The following PSRC1 variants were observed in gnomAD, a reference collection of about 807,000 sequenced individuals.
PSRC1 encodes proline and serine rich coiled-coil 1.
A neutral mutation model predicts 31.9 loss-of-function variants in PSRC1; 30 were observed. The observed-to-expected ratio is 0.94, with a 90% CI of 0.70 to 1.28. PSRC1 has a LOEUF of 1.28. Among genes scored for constraint, PSRC1 ranks in the 50% most tolerant of loss-of-function variants. PSRC1 has a pLI of 0.00. For missense variants in PSRC1, 481 were observed against 472.8 expected (o/e 1.02, Z -0.16); for synonymous variants, 191 against 192.1 (o/e 0.99, Z 0.05).
chr1:109,279,851 G>A (rs1656753363), exon 7 of PSRC1: 1 of 466,654 alleles, frequency 2.1e-6, no homozygotes, highest in Admixed American at 3.4e-5. Flanking sequence ...CAACAGTGGG[G>A]GTGGATAAAG....
chr1:109,281,751 G>A, exon 4 of PSRC1: 2 of 1,614,124 alleles, frequency 1.2e-6, no homozygotes, highest in South Asian at 1.1e-5. Flanking sequence ...AGTTCACAGT[G>A]GGCAGCAGGT....
At chr1:109,279,768 C>T (rs941551302) in exon 7 of PSRC1, 9 of 237,512 alleles carry the variant, frequency 3.8e-5, no homozygotes, top group South Asian at 9.4e-5. Context: ...AGGTTAGCTA[C>T]GGAGGCCGCT....
chr1:109,281,893 T>G, exon 4 of PSRC1: 1 of 1,611,586 alleles, frequency 6.2e-7, no homozygotes, highest in South Asian at 1.1e-5. Context: ...GGCCAGCCGG[T>G]TGGCCTCATC....
chr1:109,280,886 C>A (rs760988332), exon 5 of PSRC1: 6 of 1,613,968 alleles, frequency 3.7e-6, no homozygotes, highest in Non-Finnish European at 4.2e-6. Flanking sequence ...GTGGCACACT[C>A]CGGCTGGTGA....
At chr1:109,280,647 C>G (rs1302863650) in intron 5 of PSRC1, 130 bp downstream of exon 6, 2 of 967,978 alleles carry the variant, frequency 2.1e-6, no homozygotes, top group African/African-American at 3.3e-5. Context: ...CCCATATCCT[C>G]TCTGTAACTC....
intron 1 of PSRC1, 150 bp from the exon 2 acceptor site, chr1:109,282,886 G>C: frequency 1.4e-6 from 1 of 691,742 alleles, no homozygotes; most frequent in Non-Finnish European, 2.4e-6. Flanking sequence ...TGCTACCTCC[G>C]GGAACGATAC....
intron 4 of PSRC1, 75 bp downstream of exon 4, chr1:109,281,544 A>G (rs1570815488): frequency 7.8e-7 from 1 of 1,285,334 alleles, no homozygotes; most frequent in East Asian, 2.3e-5. Flanking sequence ...TGTTTTACCA[A>G]TAAGGAAACC....
At chr1:109,280,848 G>T (rs1425370451) in exon 5 of PSRC1, 6 of 1,612,764 alleles carry the variant, frequency 3.7e-6, no homozygotes, top group Non-Finnish European at 5.1e-6. Context: ...AGTTGACAGA[G>T]AATCCGGAGG....
At chr1:109,281,834 C>T (rs1292925889) in exon 4 of PSRC1, 3 of 1,613,824 alleles carry the variant, frequency 1.9e-6, no homozygotes, top group Non-Finnish European at 2.5e-6. Flanking sequence ...GGCCCCAGGC[C>T]CTCGCCTGCG....
intron 5 of PSRC1, 52 bp from the exon 7 acceptor site, chr1:109,280,541 C>G (rs757505506): frequency 2.8e-6 from 4 of 1,446,838 alleles, no homozygotes; most frequent in African/African-American, 2.8e-5. Context: ...TAACTGACCT[C>G]GAAAAGAAAT....
Position 109,280,270 on chromosome 1 carries a change from T to C in PSRC1, c.1089-114A>G. ...GGAAGAAATGGGATCCCCCTTCCCC[T>C]GCCCCAGGCTCCCCTCCTCTCTCCA... On this transcript the variant is annotated intron_variant, in intron 6 of 6. Transcript: ENST00000409138. 2.1e-6 allele frequency: 3 copies of C among 1,430,460 alleles called. No individual in the cohort carries two copies. In the South Asian group the frequency reaches 3.5e-5, roughly 17 times the overall value. The allele number at this position is 1,430,460 out of a possible 1,614,324, so 88.6% of individuals were successfully genotyped here.
chr1:109,282,044 T>A (rs114615644), exon 4 of PSRC1: 2 of 1,497,374 alleles, frequency 1.3e-6, no homozygotes, highest in South Asian at 2.8e-5. Flanking sequence ...AACACTGTTA[T>A]GTCTTCCTCC....
At chr1:109,281,193 G>C in exon 5 of PSRC1, 4 of 1,613,484 alleles carry the variant, frequency 2.5e-6, no homozygotes, top group South Asian at 1.1e-5. Flanking sequence ...AGTCGATCGG[G>C]TAAGAGGAGA....
At position 109,281,959 on chromosome 1, in the gene PSRC1, TG is replaced by T. The variant is rs1657218764; in HGVS notation, c.178del (p.Gln60ArgfsTer3). On this transcript the variant is annotated frameshift_variant, in exon 4 of 7. Transcript: ENST00000409138. LOFTEE classifies it high-confidence loss of function. ...GGGGCCTAGGCTGAGCCTCACACCC[TG>T]GGGGGCAGGTGCCACTGCATTTGGG... 2 of 1,547,530 alleles carry T rather than the reference TG, an allele frequency of 1.3e-6. No individual in the cohort carries two copies. The highest frequency in any genetic ancestry group is 1.4e-5 in the African/African-American group (1 of 72,574).
intron 1 of PSRC1, 140 bp from the exon 2 acceptor site, chr1:109,282,876 T>G: frequency 1.4e-6 from 1 of 721,450 alleles, no homozygotes; most frequent in South Asian, 1.8e-5. Context: ...CAGCTACTCC[T>G]GCTACCTCCG....
At position 109,281,055 on chromosome 1, in the gene PSRC1, G is replaced by C; in HGVS notation, c.716C>G (p.Ser239Cys). The change falls in exon 5 of 7, where the codon TCT becomes TGT. Residue 239 changes from serine (S) to cysteine (C), a missense_variant. Transcript: ENST00000409138. Reference sequence around the variant, plus strand: ...GATGGGGGTGGGTGGGCCTGGTGGAGAGGGGTGGAGAAATTTCAGGGTCAA... The same window carrying C: ...GATGGGGGTGGGTGGGCCTGGTGGACAGGGGTGGAGAAATTTCAGGGTCAA... The C allele has an allele frequency of 3.1e-6, 5 of 1,613,406 alleles. No homozygotes were observed. Among genetic ancestry groups the C allele is most frequent in the Non-Finnish European group, 3.4e-6 (4 of 1,179,874 alleles).
chr1:109,281,262 A>C lies in PSRC1; in HGVS notation c.520-11T>G. 1 of 1,561,182 alleles carries C rather than the reference A, an allele frequency of 6.4e-7. No homozygotes were observed. The highest frequency in any genetic ancestry group is 8.7e-7 in the Non-Finnish European group (1 of 1,150,618). The stretch of plus-strand genomic sequence containing the variant: ...GCAAGTGGGTGACTCCTGAAACACA[A>C]AGAGAGAGAGAAAAAAGACTAGAGT... On this transcript the variant is annotated splice_polypyrimidine_tract_variant and intron_variant, in intron 4 of 6. Transcript: ENST00000409138.
exon 5 of PSRC1, chr1:109,281,146 C>A: frequency 6.2e-7 from 1 of 1,613,584 alleles, no homozygotes; most frequent in Non-Finnish European, 8.5e-7. Flanking sequence ...CTGGCTGCTG[C>A]TCTCCCACTG....
At chr1:109,282,319 C>T (rs1657305421) in intron 3 of PSRC1, 199 bp downstream of exon 3, 6 of 621,342 alleles carry the variant, frequency 9.7e-6, no homozygotes, top group South Asian at 7.9e-5. Flanking sequence ...TTCTTAACAC[C>T]CTGAAATCTA....
Sources: gnomAD v4.1 joint callset for allele counts on GRCh38, gnomAD v4.1.1 for gene constraint, MANE v1.5 for transcripts, NCBI Gene and HGNC (gene_info 2026-07-23, HGNC 2026-07-21) for gene names.